Variants in WDR93 observed in about 807,000 individuals in gnomAD.
WDR93 encodes WD repeat-containing protein 93.
Under a neutral mutation model 82.9 loss-of-function variants are expected in WDR93, and 73 were observed. That is an observed-to-expected ratio of 0.88 (90% CI 0.73 to 1.07). The LOEUF (loss-of-function observed/expected upper bound fraction) is 1.07, where lower values mean the gene tolerates loss of function less well. Among genes scored for constraint, WDR93 ranks in the 50% least tolerant of loss-of-function variants. The pLI is 0.00. For synonymous variants in WDR93, 283 were observed against 300.1 expected (o/e 0.94, Z 0.59); for missense variants, 738 against 826.0 (o/e 0.89, Z 1.31).
Position 89,712,181 on chromosome 15 carries a change from C to T in WDR93, c.640+77C>T, listed in dbSNP as rs900240868. 23 of 1,171,712 alleles carry T rather than the reference C, an allele frequency of 2.0e-5. No individual in the cohort carries two copies. In the East Asian group the frequency reaches 5.7e-4, roughly 29 times the overall value. The allele number at this position is 1,171,712 out of a possible 1,614,324, so 72.6% of individuals were successfully genotyped here. On this transcript the variant is annotated intron_variant, in intron 5 of 16. Transcript: ENST00000268130. ...TTCCAAATGATTGCTTTTGTCCCTCCAAACCTTTTATTTAGAAATTATTTT... is the reference window on the plus strand; with the variant it reads ...TTCCAAATGATTGCTTTTGTCCCTCTAAACCTTTTATTTAGAAATTATTTT...
intron 8 of WDR93, among the ~76,000 whole-genome samples, chr15:89,724,158 G>A (rs1966636599): frequency 6.9e-6 from 1 of 145,464 alleles, no homozygotes; most frequent in Admixed American, 6.9e-5. Flanking sequence ...GGGCAACATG[G>A]AGAAACCCCA....
intron 1 of WDR93, among the ~76,000 whole-genome samples, chr15:89,691,581 G>C (rs1007807450): frequency 6.6e-6 from 1 of 152,144 alleles, no homozygotes; most frequent in African/African-American, 2.4e-5. Flanking sequence ...GTAGCCGGGC[G>C]TGGTGGTGGG....
intron 16 of WDR93, among the ~76,000 whole-genome samples, chr15:89,742,352 G>T (rs1194654055): frequency 6.6e-6 from 1 of 151,964 alleles, no homozygotes; most frequent in Admixed American, 6.6e-5. Context: ...TCCTCTTCCT[G>T]TTTGCCTAAG....
intron 4 of WDR93, among the ~76,000 whole-genome samples, chr15:89,710,207 TAAA>T (rs1043648741): frequency 6.6e-6 from 1 of 151,900 alleles, no homozygotes; most frequent in Admixed American, 6.6e-5. Flanking sequence ...AGAGAACAAA[TAAA>T]AATTTGTGGT....
intron 8 of WDR93, among the ~76,000 whole-genome samples, chr15:89,724,569 A>G (rs1043592285): frequency 7.9e-5 from 12 of 152,178 alleles, no homozygotes; most frequent in African/African-American, 2.2e-4. Flanking sequence ...AAACCCACTA[A>G]TGGTTCATGT....
chr15:89,740,707 G>A (rs1967601049), intron 16 of WDR93, among the ~76,000 whole-genome samples: 1 of 151,940 alleles, frequency 6.6e-6, no homozygotes, highest in African/African-American at 2.4e-5. Flanking sequence ...TCTCCATGTT[G>A]GCCAGGCTGG....
intron 7 of WDR93, among the ~76,000 whole-genome samples, chr15:89,721,723 C>T (rs1252495544): frequency 1.3e-5 from 2 of 152,200 alleles, no homozygotes; most frequent in East Asian, 1.9e-4. Flanking sequence ...CTCCTGGCCT[C>T]AAGCGTTCTT....
chr15:89,703,122 T>C lies in WDR93; in HGVS notation c.476T>C (p.Ile159Thr), dbSNP rs1270081466. ...ACAGATTTAGGGAATGAAATACTCA[T>C]TGCTCCTGTGGATGAAATGGGTATT... ...WATDLGNEIL[I>T]APVDEMGIIR... The change falls in exon 3 of 17, where the codon ATT (isoleucine) becomes ACT (threonine). Residue 159 changes from isoleucine (I) to threonine (T), a missense_variant. Transcript: ENST00000268130. The C allele has an allele frequency of 6.2e-7, 1 of 1,614,064 alleles. No homozygotes were observed. Among genetic ancestry groups the C allele is most frequent in the African/African-American group, 1.3e-5 (1 of 74,926 alleles).
intron 5 of WDR93, among the ~76,000 whole-genome samples, chr15:89,712,852 C>T (rs1239233330): frequency 6.6e-6 from 1 of 152,160 alleles, no homozygotes; most frequent in Admixed American, 6.5e-5. Flanking sequence ...TGGCCAGGCG[C>T]GGTGGCTCAC....
intron 1 of WDR93, among the ~76,000 whole-genome samples, chr15:89,700,368 A>G (rs1965394880): frequency 6.6e-6 from 1 of 152,150 alleles, no homozygotes; most frequent in African/African-American, 2.4e-5. Flanking sequence ...GATGTACTCC[A>G]GCCGGTAAAA....
In WDR93 at chr15:89,716,954, G is replaced by T; in HGVS notation, c.795+5G>T. The T allele has an allele frequency of 1.3e-6, 2 of 1,515,586 alleles. No individual in the cohort carries two copies. The highest frequency in any genetic ancestry group is 8.9e-7 in the Non-Finnish European group (1 of 1,127,686). The allele number at this position is 1,515,586 out of a possible 1,614,324, so 93.9% of individuals were successfully genotyped here. On this transcript the variant is annotated splice_donor_5th_base_variant and intron_variant, in intron 7 of 16. Transcript: ENST00000268130. Reference sequence around the variant, plus strand: ...TCTGCAGATCCTTTAGAAATGGTAAGAAACTTTAAAGAAAATCTCCAGAGA... The same window carrying T: ...TCTGCAGATCCTTTAGAAATGGTAATAAACTTTAAAGAAAATCTCCAGAGA...
Position 89,733,201 on chromosome 15 carries a change from TC to T in WDR93, c.1527del (p.Ser510ValfsTer8). ...GCTAGCGGGACCCAAGGACCCACCATCAGTGTGCTTGTTGAGAGGTCAGTAG... is the reference window on the plus strand; with the variant it reads ...GCTAGCGGGACCCAAGGACCCACCATAGTGTGCTTGTTGAGAGGTCAGTAG... ...VEASGTQGPT[I>X]SVLVERPVKH... On this transcript the variant is annotated frameshift_variant, in exon 13 of 17. Transcript: ENST00000268130. LOFTEE classifies it high-confidence loss of function. The T allele has an allele frequency of 1.9e-6, 3 of 1,613,904 alleles. No homozygotes were observed. Among genetic ancestry groups the T allele is most frequent in the Non-Finnish European group, 2.5e-6 (3 of 1,179,816 alleles).
At chr15:89,708,740 T>C (rs915858039) in intron 4 of WDR93, among the ~76,000 whole-genome samples, 1 of 152,154 alleles carries the variant, frequency 6.6e-6, no homozygotes, top group African/African-American at 2.4e-5. Context: ...AGGTCGCAAA[T>C]GTTACAGGCC....
intron 1 of WDR93, among the ~76,000 whole-genome samples, chr15:89,700,344 T>C (rs77695951): frequency 1.3e-5 from 2 of 152,066 alleles, no homozygotes; most frequent in Admixed American, 6.6e-5. Flanking sequence ...TACTCACACA[T>C]TGAAAGCATC....
intron 15 of WDR93, 151 bp downstream of exon 15, chr15:89,737,880 T>G (rs946249899): frequency 1.5e-6 from 2 of 1,346,050 alleles, no homozygotes; most frequent in African/African-American, 2.9e-5. Context: ...CACAGGGCAC[T>G]TAGATAAAAT....
intron 1 of WDR93, among the ~76,000 whole-genome samples, chr15:89,697,203 C>A (rs566704812): frequency 4.6e-5 from 7 of 152,114 alleles, no homozygotes; most frequent in Admixed American, 1.3e-4. Context: ...AAGCAATCTT[C>A]CCACCTTGGC....
At chr15:89,738,850 C>T (rs62023385) in intron 16 of WDR93, among the ~76,000 whole-genome samples, 3,588 of 152,142 alleles carry the variant, frequency 0.024, 55 homozygotes, top group Non-Finnish European at 0.037. Flanking sequence ...CCCGGTGGCT[C>T]ATGCCTGTAA....
At chr15:89,717,342 G>C (rs1966312057) in intron 7 of WDR93, among the ~76,000 whole-genome samples, 1 of 152,132 alleles carries the variant, frequency 6.6e-6, no homozygotes, top group Non-Finnish European at 1.5e-5. Context: ...TTATAGGCGT[G>C]AGTCACCACA....
At chr15:89,690,417 A>C (rs1051579374), upstream of WDR93, among the ~76,000 whole-genome samples, 1 of 152,148 alleles carries the variant, frequency 6.6e-6, no homozygotes, top group African/African-American at 2.4e-5. Flanking sequence ...ATTTAGGGTA[A>C]GGAGGGGCTC....
Sources: gnomAD v4.1 joint callset for allele counts (sites outside exome capture counted in the v4.1 genomes callset) on GRCh38, gnomAD v4.1.1 for gene constraint, MANE v1.5 for transcripts, NCBI Gene and HGNC (gene_info 2026-07-23, HGNC 2026-07-21) for gene names.